Variants in DTD1 observed in about 807,000 individuals in gnomAD.
DTD1 encodes D-aminoacyl-tRNA deacylase 1, also known as D-tyrosyl-tRNA deacylase 1 homolog.
In DTD1, 13 loss-of-function variants were observed where a neutral mutation model predicts 25.6. The ratio of observed to expected loss-of-function variants is 0.51; its 90% confidence interval spans 0.33 to 0.81. The LOEUF is 0.81. DTD1 is among the 30% of genes least tolerant of loss of function. DTD1 has a pLI of 0.02. For missense variants in DTD1, 193 were observed against 266.4 expected (o/e 0.72, Z 1.92); for synonymous variants, 110 against 103.6 (o/e 1.06, Z -0.37).
At chr20:18,653,993 T>G (rs376449870) in intron 4 of DTD1, among the ~76,000 whole-genome samples, 9 of 152,222 alleles carry the variant, frequency 5.9e-5, no homozygotes, top group African/African-American at 1.7e-4. Context: ...GAAAACAGTC[T>G]TTCAGGCTGC....
chr20:18,753,804 A>G (rs186798259), intron 5 of DTD1, among the ~76,000 whole-genome samples: 18 of 152,164 alleles, frequency 1.2e-4, no homozygotes, highest in Admixed American at 1.1e-3. Context: ...TAATTAGGAA[A>G]TCATTCTTTT....
At chr20:18,748,266 C>G (rs2061308598) in intron 5 of DTD1, among the ~76,000 whole-genome samples, 1 of 152,112 alleles carries the variant, frequency 6.6e-6, no homozygotes, top group Non-Finnish European at 1.5e-5. Flanking sequence ...CAAATACCAC[C>G]TAGCTGATTC....
At chr20:18,680,164 T>TGAA (rs1380521536) in intron 4 of DTD1, among the ~76,000 whole-genome samples, 22 of 152,196 alleles carry the variant, frequency 1.4e-4, no homozygotes, top group African/African-American at 5.1e-4. Flanking sequence ...GAGAACTCAT[T>TGAA]TCTAACACCC....
At chr20:18,748,447 C>G in intron 5 of DTD1, among the ~76,000 whole-genome samples, 1 of 152,126 alleles carries the variant, frequency 6.6e-6, no homozygotes, top group Non-Finnish European at 1.5e-5. Context: ...CTTCCATTTG[C>G]TTTAGATTTG....
intron 4 of DTD1, among the ~76,000 whole-genome samples, chr20:18,658,809 C>T (rs910739228): frequency 1.2e-4 from 18 of 152,210 alleles, no homozygotes; most frequent in African/African-American, 4.1e-4. Flanking sequence ...TACAAGCAGC[C>T]TTACCCACTT....
intron 3 of DTD1, chr20:18,611,037 TA>T (rs2060684792): frequency 6.6e-6 from 1 of 152,252 alleles, no homozygotes. Context: ...CTTATTCCCC[TA>T]ATAAGAGTAA....
At chr20:18,682,168 C>T (rs2061000519) in intron 4 of DTD1, among the ~76,000 whole-genome samples, 1 of 152,142 alleles carries the variant, frequency 6.6e-6, no homozygotes, top group South Asian at 2.1e-4. Flanking sequence ...GAGGGGGAAC[C>T]CGTATTTGTG....
intron 4 of DTD1, among the ~76,000 whole-genome samples, chr20:18,696,431 T>C (rs969268437): frequency 2.6e-5 from 4 of 152,122 alleles, no homozygotes; most frequent in African/African-American, 9.7e-5. Context: ...CCTCCTAGAC[T>C]GGGGGTCCTG....
At chr20:18,756,140 G>T in intron 5 of DTD1, among the ~76,000 whole-genome samples, 1 of 152,124 alleles carries the variant, frequency 6.6e-6, no homozygotes, top group Non-Finnish European at 1.5e-5. Flanking sequence ...TTGTAAATTT[G>T]TTTAAGTTCA....
At chr20:18,694,219 C>T (rs537986925) in intron 4 of DTD1, among the ~76,000 whole-genome samples, 28 of 152,300 alleles carry the variant, frequency 1.8e-4, no homozygotes, top group Non-Finnish European at 3.4e-4. Flanking sequence ...GAGAAGTGAA[C>T]GAAATTCTTA....
rs1555804153 is a variant in DTD1 at position 18,744,655 on chromosome 20, A to AC, written c.*19+385dup. 3.8e-3 allele frequency among the ~76,000 whole-genome samples: 454 copies of AC among 119,898 alleles called. 36 individuals are homozygous for AC. Among genetic ancestry groups the AC allele is most frequent in the East Asian group, 9.7e-3 (37 of 3,804 alleles). The allele number at this position is 119,898 out of a possible 152,430, so 78.7% of individuals were successfully genotyped here. A position where few individuals can be genotyped will look rare whatever the true frequency, so the allele number is the denominator to read the frequency against. ...CCATCTCAAAAAAAAAAAACAAAAA[A>AC]CAAGTGAAAGGGGTTTCCCCTTATA... is the stretch of plus-strand genomic sequence containing the variant. On this transcript the variant is annotated intron_variant, in intron 5 of 5. Coordinates refer to ENST00000377452, the MANE Select transcript of DTD1 (RefSeq NM_080820.6).
chr20:18,656,588 G>A (rs1235161348), intron 4 of DTD1, among the ~76,000 whole-genome samples: 1 of 152,204 alleles, frequency 6.6e-6, no homozygotes, highest in East Asian at 1.9e-4. Context: ...CATGGATGCT[G>A]GGGGAGCACT....
At chr20:18,712,910 A>G (rs1319982426) in intron 4 of DTD1, among the ~76,000 whole-genome samples, 2 of 152,240 alleles carry the variant, frequency 1.3e-5, no homozygotes, top group African/African-American at 4.8e-5. Context: ...TACCAGTTTC[A>G]TCAGAGGCAT....
intron 4 of DTD1, among the ~76,000 whole-genome samples, chr20:18,682,177 T>A (rs1435146520): frequency 6.6e-6 from 1 of 152,210 alleles, no homozygotes; most frequent in East Asian, 1.9e-4. Context: ...CCCGTATTTG[T>A]GAAGGTGTAT....
chr20:18,651,503 C>T (rs1237889848), intron 4 of DTD1, among the ~76,000 whole-genome samples: 1 of 152,236 alleles, frequency 6.6e-6, no homozygotes. Context: ...AGCTGTCTTT[C>T]TGTGGCTCCT....
intron 3 of DTD1, among the ~76,000 whole-genome samples, chr20:18,606,402 A>G (rs1362698788): frequency 7.3e-6 from 1 of 137,680 alleles, no homozygotes; most frequent in East Asian, 2.0e-4. Flanking sequence ...TAGAAATACC[A>G]TTTGACCCGG....
At chr20:18,730,843 G>A (rs908074886) in intron 4 of DTD1, among the ~76,000 whole-genome samples, 1 of 152,068 alleles carries the variant, frequency 6.6e-6, no homozygotes, top group Non-Finnish European at 1.5e-5. Flanking sequence ...GAATATTTGC[G>A]TGTTTTGGAA....
At chr20:18,710,375 A>G (rs535555921) in intron 4 of DTD1, among the ~76,000 whole-genome samples, 1 of 134,050 alleles carries the variant, frequency 7.5e-6, no homozygotes, top group Admixed American at 7.2e-5. Flanking sequence ...ACATATTCTG[A>G]TCTTTTTTTT....
chr20:18,658,495 T>G (rs1358338711), intron 4 of DTD1, among the ~76,000 whole-genome samples: 1 of 152,214 alleles, frequency 6.6e-6, no homozygotes, highest in Admixed American at 6.5e-5. Flanking sequence ...TGTTATGCTT[T>G]ATGTCTTTGC....
Sources: gnomAD v4.1 joint callset for allele counts (sites outside exome capture counted in the v4.1 genomes callset) on GRCh38, gnomAD v4.1.1 for gene constraint, MANE v1.5 for transcripts, NCBI Gene and HGNC (gene_info 2026-07-23, HGNC 2026-07-21) for gene names.